JARID2: variants seen among roughly 807,000 people sequenced by gnomAD.
JARID2 encodes protein Jumonji.
Under a neutral mutation model 125.6 loss-of-function variants are expected in JARID2, and 21 were observed. The ratio of observed to expected loss-of-function variants is 0.17; its 90% CI spans 0.12 to 0.24. JARID2 has a LOEUF of 0.24. Ranked by LOEUF, JARID2 falls within the 10% of genes least tolerant of loss-of-function variation. JARID2 has a pLI of 1.00. For synonymous variants in JARID2, 736 were observed against 661.6 expected (o/e 1.11, Z -1.73); for missense variants, 1,303 against 1,639.6 (o/e 0.79, Z 3.55).
chr6:15,507,426 A>ACTGTGGCCGCCTGC lies in JARID2; in HGVS notation c.2731+18_2731+31dup. 6.2e-7 allele frequency: 1 copy of ACTGTGGCCGCCTGC among 1,612,874 alleles called. No homozygotes were observed. Among genetic ancestry groups the ACTGTGGCCGCCTGC allele is most frequent in the South Asian group, 1.1e-5 (1 of 91,002 alleles). ...CTCGGTGCTGTGCCTGGTAAGCCTG[A>ACTGTGGCCGCCTGC]CTGTGGCCGCCTGCCTGTGGCAGCT... On this transcript the variant is annotated intron_variant, in intron 11 of 17. Transcript: ENST00000341776.
At chr6:15,336,517 G>T (rs1288216130) in intron 1 of JARID2, among the ~76,000 whole-genome samples, 1 of 152,134 alleles carries the variant, frequency 6.6e-6, no homozygotes, top group Non-Finnish European at 1.5e-5. Context: ...ATATAATAAG[G>T]GTCTTGTAGG....
At chr6:15,264,555 C>CA (rs1760006148) in intron 1 of JARID2, among the ~76,000 whole-genome samples, 1 of 150,922 alleles carries the variant, frequency 6.6e-6, no homozygotes, top group African/African-American at 2.4e-5. Context: ...CTGCAGTGGC[C>CA]AAGTAGCCAA....
chr6:15,393,970 A>C (rs979973095), intron 2 of JARID2, among the ~76,000 whole-genome samples: 3 of 152,108 alleles, frequency 2.0e-5, no homozygotes, highest in Admixed American at 2.0e-4. Flanking sequence ...AAAACATCGT[A>C]TGTCTAGATT....
intron 1 of JARID2, chr6:15,247,737 G>GAGCT: frequency 3.0e-6 from 3 of 985,340 alleles, no homozygotes; most frequent in Non-Finnish European, 3.6e-6. Flanking sequence ...CTCTTCAAGA[G>GAGCT]AGCTGATCCT....
At chr6:15,299,670 C>T (rs1202331024) in intron 1 of JARID2, among the ~76,000 whole-genome samples, 1 of 152,140 alleles carries the variant, frequency 6.6e-6, no homozygotes, top group Non-Finnish European at 1.5e-5. Context: ...TCTCCAGCCA[C>T]TGCACCAGAG....
intron 1 of JARID2, among the ~76,000 whole-genome samples, chr6:15,264,013 C>T (rs1759985645): frequency 1.3e-5 from 2 of 152,198 alleles, no homozygotes; most frequent in African/African-American, 4.8e-5. Context: ...CCCACCTCAC[C>T]CTCCCAAGTA....
At chr6:15,422,632 A>G (rs1308983505) in intron 3 of JARID2, among the ~76,000 whole-genome samples, 1 of 152,128 alleles carries the variant, frequency 6.6e-6, no homozygotes, top group Non-Finnish European at 1.5e-5. Context: ...CCTCTGCTCT[A>G]GGGGTACCCA....
At chr6:15,270,826 A>G (rs1011186777) in intron 1 of JARID2, among the ~76,000 whole-genome samples, 1 of 152,060 alleles carries the variant, frequency 6.6e-6, no homozygotes, top group Non-Finnish European at 1.5e-5. Context: ...CTGTAATCCC[A>G]GGTACTTGGG....
chr6:15,359,849 G>A (rs1421070252), intron 1 of JARID2, among the ~76,000 whole-genome samples: 1 of 151,992 alleles, frequency 6.6e-6, no homozygotes, highest in East Asian at 1.9e-4. Flanking sequence ...ACCATGCCTT[G>A]CTAATTTTTG....
Position 15,338,078 on chromosome 6 carries a change from C to T in JARID2, c.46-36039C>T, listed in dbSNP as rs531908555. 3.9e-5 allele frequency among the ~76,000 whole-genome samples: 6 copies of T among 152,268 alleles called. No individual in the cohort carries two copies. In the East Asian group the frequency reaches 5.8e-4, roughly 15 times the overall value. On this transcript the variant is annotated intron_variant, in intron 1 of 17. Transcript: ENST00000341776. ...TGCCGACAGCAGGGAGAAATGGAGG[C>T]GTAGGTGAGGGCAGTTAATTCCTAT...
At chr6:15,361,839 TGTAAA>T (rs1269486653) in intron 1 of JARID2, among the ~76,000 whole-genome samples, 1 of 152,016 alleles carries the variant, frequency 6.6e-6, no homozygotes. Flanking sequence ...TGGTGATTGT[TGTAAA>T]GTATTGTTAG....
At chr6:15,305,075 T>G (rs1371708945) in intron 1 of JARID2, among the ~76,000 whole-genome samples, 1 of 152,276 alleles carries the variant, frequency 6.6e-6, no homozygotes, top group East Asian at 1.9e-4. Context: ...AAGTCTGGGA[T>G]TTTTTGGTTG....
intron 2 of JARID2, among the ~76,000 whole-genome samples, chr6:15,381,471 G>A (rs998925307): frequency 4.0e-5 from 6 of 151,884 alleles, no homozygotes; most frequent in Middle Eastern, 3.2e-3. Context: ...TAACACTCCT[G>A]TGTCCTGGCC....
At chr6:15,437,698 A>G (rs565293372) in intron 3 of JARID2, among the ~76,000 whole-genome samples, 33 of 152,224 alleles carry the variant, frequency 2.2e-4, no homozygotes, top group African/African-American at 7.7e-4. Flanking sequence ...AGAGGAGGTT[A>G]GAATTTACCA....
At chr6:15,392,079 C>T (rs2282828) in intron 2 of JARID2, among the ~76,000 whole-genome samples, 10,733 of 34,030 alleles carry the variant, frequency 0.32, 571 homozygotes, top group African/African-American at 0.41. Context: ...TGTGTGTGTG[C>T]GTGTCTGGAG....
intron 5 of JARID2, among the ~76,000 whole-genome samples, chr6:15,477,515 T>TG (rs1022640369): frequency 4.0e-5 from 6 of 151,180 alleles, no homozygotes; most frequent in African/African-American, 4.9e-5. Context: ...TTTTTTTTTT[T>TG]TTTTTTTTTT....
chr6:15,302,355 C>T (rs1248079332), intron 1 of JARID2, among the ~76,000 whole-genome samples: 1 of 151,952 alleles, frequency 6.6e-6, no homozygotes, highest in African/African-American at 2.4e-5. Context: ...AGCGGAGTTG[C>T]AGTGAGCTGA....
intron 2 of JARID2, among the ~76,000 whole-genome samples, chr6:15,379,940 G>A (rs1764513944): frequency 6.6e-6 from 1 of 151,892 alleles, no homozygotes; most frequent in East Asian, 1.9e-4. Context: ...CATAAAGATA[G>A]CATTCCAAAA....
chr6:15,485,066 T>C (rs1769801547), intron 5 of JARID2, among the ~76,000 whole-genome samples: 5 of 152,202 alleles, frequency 3.3e-5, no homozygotes, highest in African/African-American at 1.2e-4. Context: ...TTTCTGACAA[T>C]GGGTAGTTAC....
Sources: gnomAD v4.1 joint callset for allele counts (sites outside exome capture counted in the v4.1 genomes callset) on GRCh38, gnomAD v4.1.1 for gene constraint, MANE v1.5 for transcripts, NCBI Gene and HGNC (gene_info 2026-07-23, HGNC 2026-07-21) for gene names.